The following DPYD variants were observed in gnomAD, a reference collection of about 807,000 sequenced individuals.
DPYD encodes the protein dihydropyrimidine dehydrogenase.
DPYD carries 109 observed loss-of-function variants against 116.2 expected under a neutral mutation model. The observed-to-expected ratio is 0.94, with a 90% CI of 0.80 to 1.10. DPYD has a LOEUF of 1.10. DPYD is among the 50% of genes least tolerant of loss of function. The pLI, the probability that DPYD is intolerant of heterozygous loss-of-function variation, is 0.00. For synonymous variants in DPYD, 440 were observed against 432.0 expected (o/e 1.02, Z -0.23); for missense variants, 1,302 against 1,254.5 (o/e 1.04, Z -0.57).
intron 19 of DPYD, among the ~76,000 whole-genome samples, chr1:97,222,046 C>G (rs1357101687): frequency 6.6e-6 from 1 of 151,876 alleles, no homozygotes; most frequent in East Asian, 1.9e-4. Flanking sequence ...AGGAAAGGAA[C>G]AAAGATATAC....
chr1:97,315,654 C>T (rs1419904698), intron 16 of DPYD, among the ~76,000 whole-genome samples: 2 of 151,924 alleles, frequency 1.3e-5, no homozygotes, highest in Non-Finnish European at 2.9e-5. Flanking sequence ...GCCCAAGTGA[C>T]CCCAGGATAT....
intron 20 of DPYD, among the ~76,000 whole-genome samples, chr1:97,167,130 T>C (rs1300807481): frequency 6.6e-6 from 1 of 152,132 alleles, no homozygotes; most frequent in Non-Finnish European, 1.5e-5. Context: ...TGGTGGGAAA[T>C]CTTGTTCTTT....
At position 97,714,978 on chromosome 1, in the gene DPYD, C is replaced by T. The variant is rs1412096636; in HGVS notation, c.483+6532G>A. 3.9e-5 allele frequency among the ~76,000 whole-genome samples: 6 copies of T among 152,088 alleles called. No individual in the cohort carries two copies. The East Asian group carries it at 1.2e-3, about 29-fold the overall frequency. ...TGAGGTTGTGGAAGTTAATTAATTT[C>T]CTGGAGTTTCCTGTTACTCATATGT... On this transcript the variant is annotated intron_variant, in intron 5 of 22. Transcript: ENST00000370192.
intron 18 of DPYD, among the ~76,000 whole-genome samples, chr1:97,257,116 G>C (rs1413241): frequency 2.6e-5 from 4 of 151,690 alleles, no homozygotes; most frequent in Non-Finnish European, 5.9e-5. Flanking sequence ...GAGTTTTTTT[G>C]ATTAGAACAT....
intron 13 of DPYD, among the ~76,000 whole-genome samples, chr1:97,495,278 A>C (rs1455286667): frequency 6.6e-6 from 1 of 152,052 alleles, no homozygotes; most frequent in African/African-American, 2.4e-5. Context: ...CTTTGGGGAG[A>C]TACAGTTGGA....
intron 16 of DPYD, among the ~76,000 whole-genome samples, chr1:97,308,901 G>A (rs1243194929): frequency 1.3e-5 from 2 of 151,742 alleles, no homozygotes; most frequent in Non-Finnish European, 2.9e-5. Flanking sequence ...ATACATACAA[G>A]GAGAAGAAGA....
chr1:97,433,699 A>G (rs1381105187), intron 14 of DPYD, among the ~76,000 whole-genome samples: 2 of 152,136 alleles, frequency 1.3e-5, no homozygotes, highest in African/African-American at 4.8e-5. Flanking sequence ...TCTGAGTTTG[A>G]ATTGGAAAGG....
intron 21 of DPYD, among the ~76,000 whole-genome samples, chr1:97,086,856 C>T (rs1004284482): frequency 6.6e-6 from 1 of 152,222 alleles, no homozygotes; most frequent in African/African-American, 2.4e-5. Flanking sequence ...CCCAGAACAG[C>T]ATGCTGTGGG....
At chr1:97,110,171 C>A (rs1448210633) in intron 20 of DPYD, among the ~76,000 whole-genome samples, 1 of 152,062 alleles carries the variant, frequency 6.6e-6, no homozygotes, top group Admixed American at 6.6e-5. Flanking sequence ...AAACTACATC[C>A]TTGGGAAAGA....
intron 13 of DPYD, among the ~76,000 whole-genome samples, chr1:97,491,689 T>C (rs1308185001): frequency 6.6e-6 from 1 of 152,058 alleles, no homozygotes; most frequent in Non-Finnish European, 1.5e-5. Flanking sequence ...CAAATAACAA[T>C]ATAAACAATA....
chr1:97,877,964 A>G (rs1672007189), intron 2 of DPYD, among the ~76,000 whole-genome samples: 1 of 152,038 alleles, frequency 6.6e-6, no homozygotes, highest in Non-Finnish European at 1.5e-5. Context: ...CAAGACAAAC[A>G]TTAAGTATAA....
At chr1:97,480,246 A>G (rs1678223950) in intron 13 of DPYD, among the ~76,000 whole-genome samples, 1 of 152,160 alleles carries the variant, frequency 6.6e-6, no homozygotes, top group South Asian at 2.1e-4. Flanking sequence ...CAAACTGAGA[A>G]AAAAAAGAAA....
chr1:97,532,031 C>T (rs554965713), intron 12 of DPYD, among the ~76,000 whole-genome samples: 1 of 151,960 alleles, frequency 6.6e-6, no homozygotes, highest in South Asian at 2.1e-4. Flanking sequence ...GTGCAGTTTT[C>T]AGGGTTTTGT....
At chr1:97,525,950 GAGTA>G (rs1331426428) in intron 12 of DPYD, among the ~76,000 whole-genome samples, 7 of 149,328 alleles carry the variant, frequency 4.7e-5, no homozygotes, top group South Asian at 2.1e-4. Flanking sequence ...CTAGTGGGAA[GAGTA>G]AGTAATTGCC....
At chr1:97,905,800 C>T (rs1031640333) in intron 1 of DPYD, among the ~76,000 whole-genome samples, 3 of 152,002 alleles carry the variant, frequency 2.0e-5, no homozygotes, top group Admixed American at 1.3e-4. Context: ...TTTTGAAGGA[C>T]TTCCCACTTC....
chr1:97,560,642 C>T (rs1323789422), intron 11 of DPYD, among the ~76,000 whole-genome samples: 1 of 151,060 alleles, frequency 6.6e-6, no homozygotes, highest in East Asian at 1.9e-4. Context: ...GATAAGAGAC[C>T]CATCCTTGTG....
intron 8 of DPYD, among the ~76,000 whole-genome samples, chr1:97,655,234 A>T (rs1658837732): frequency 6.6e-6 from 1 of 152,214 alleles, no homozygotes; most frequent in Non-Finnish European, 1.5e-5. Flanking sequence ...AGTGAAGAGG[A>T]ATTCTGAAAA....
intron 19 of DPYD, among the ~76,000 whole-genome samples, chr1:97,216,300 T>A (rs1438444564): frequency 1.3e-5 from 2 of 152,284 alleles, no homozygotes; most frequent in South Asian, 2.1e-4. Flanking sequence ...ATTTTTTTTT[T>A]ATTAATACTC....
intron 11 of DPYD, among the ~76,000 whole-genome samples, chr1:97,559,324 G>C (rs1250949754): frequency 6.6e-6 from 1 of 152,044 alleles, no homozygotes; most frequent in Non-Finnish European, 1.5e-5. Flanking sequence ...TATACTACTT[G>C]TGAAAACAAT....
Sources: gnomAD v4.1 joint callset for allele counts (sites outside exome capture counted in the v4.1 genomes callset) on GRCh38, gnomAD v4.1.1 for gene constraint, MANE v1.5 for transcripts, NCBI Gene and HGNC (gene_info 2026-07-23, HGNC 2026-07-21) for gene names.